Variants in SYN3 observed in about 807,000 individuals in gnomAD.
SYN3 encodes synapsin-3.
SYN3 carries 35 observed loss-of-function variants against 65.8 expected under a neutral mutation model. The ratio of observed to expected loss-of-function variants is 0.53; its 90% CI spans 0.41 to 0.70. The LOEUF (loss-of-function observed/expected upper bound fraction) is 0.70, where lower values mean the gene tolerates loss of function less well. SYN3 is among the 30% of genes least tolerant of loss of function. SYN3 has a pLI of 0.00. For missense variants in SYN3, 680 were observed against 749.0 expected, an observed-to-expected ratio of 0.91 and a Z score of 1.08; for synonymous variants, 270 against 292.9, an observed-to-expected ratio of 0.92 and a Z score of 0.80.
At chr22:32,697,224 A>T (rs1405273753) in intron 6 of SYN3, among the ~76,000 whole-genome samples, 1 of 152,238 alleles carries the variant, frequency 6.6e-6, no homozygotes, top group Non-Finnish European at 1.5e-5. Context: ...CTTTTCTAAA[A>T]TAGAGAGTCC....
At chr22:32,812,974 G>T (rs889947869) in intron 6 of SYN3, among the ~76,000 whole-genome samples, 1 of 152,146 alleles carries the variant, frequency 6.6e-6, no homozygotes, top group African/African-American at 2.4e-5. Flanking sequence ...GAGTGCAGTG[G>T]ATAAAAAGCT....
At chr22:32,679,817 C>A (rs1271843865) in intron 6 of SYN3, among the ~76,000 whole-genome samples, 2 of 74,958 alleles carry the variant, frequency 2.7e-5, no homozygotes, top group Non-Finnish European at 6.4e-5. Context: ...CACTTTAAAA[C>A]TGGGTGAGGT....
rs1784739040 is a variant in SYN3, at chr22:32,513,750, G to T, written c.1685C>A (p.Ala562Asp). 1 of 1,614,076 alleles carries T rather than the reference G, an allele frequency of 6.2e-7. No individual in the cohort carries two copies. Among genetic ancestry groups the T allele is most frequent in the Admixed American group, 1.7e-5 (1 of 60,006 alleles). ...SQRGTPSEDE[A>D]KAETIRNLRK... ...CAGGTTGCGGATGGTTTCAGCCTTG[G>T]CCTCGTCTTCACTTGGGGTCCCACG... The change falls in exon 14 of 14, where the codon GCC becomes GAC. Residue 562 changes from alanine (A) to aspartate (D), a missense_variant. Transcript: ENST00000358763.
intron 2 of SYN3, 37 bp from the exon 3 acceptor site, chr22:32,980,739 G>A: frequency 1.9e-6 from 3 of 1,600,356 alleles, no homozygotes; most frequent in African/African-American, 2.7e-5. Context: ...TAAGGATGCA[G>A]GCTGTTTTAC....
In SYN3 at chr22:32,837,551, T is replaced by C. The variant is rs2047770896; in HGVS notation, c.711+27364A>G. On this transcript the variant is annotated intron_variant, in intron 6 of 13. Coordinates refer to ENST00000358763, the MANE Select transcript of SYN3 (RefSeq NM_003490.4). The surrounding 1 kb of genome is among the most constrained non-coding windows in gnomAD (Gnocchi z 4.1). ...GGGTACGGCGGGAGACAGAGATGCA[T>C]GAAATACTAACGTTGAAGATTAGAA... is the stretch of plus-strand genomic sequence containing the variant. Among the ~76,000 whole-genome samples the C allele has an allele frequency of 6.6e-6, 1 of 151,910 alleles. No individual in the cohort carries two copies.
intron 3 of SYN3, among the ~76,000 whole-genome samples, chr22:32,963,039 T>G (rs1303497528): frequency 6.6e-6 from 1 of 150,776 alleles, no homozygotes; most frequent in Non-Finnish European, 1.5e-5. Flanking sequence ...ATAAATGGCT[T>G]AAGATATTAT....
rs1235985450 is a variant in SYN3 at position 32,509,345 on chromosome 22, G to A, written c.*4347C>T. ...GGCTCAAAGTTGTGAAACAAAGCAA[G>A]AAAAACAACAAACATAACATTTTAG... On this transcript the variant is annotated 3_prime_UTR_variant, in exon 14 of 14. Transcript: ENST00000358763. 6.6e-6 allele frequency among the ~76,000 whole-genome samples: 1 copy of A among 152,058 alleles called. No homozygotes were observed. Among genetic ancestry groups the A allele is most frequent in the Admixed American group, 6.6e-5 (1 of 15,248 alleles).
At position 32,664,135 on chromosome 22, in the gene SYN3, AAG is replaced by A. The variant is rs1160281459; in HGVS notation, c.712-67401_712-67400del. Among the ~76,000 whole-genome samples the A allele has an allele frequency of 3.9e-5, 6 of 152,338 alleles. No individual in the cohort carries two copies. In the East Asian group the frequency reaches 1.2e-3, roughly 29 times the overall value. On this transcript the variant is annotated intron_variant, in intron 6 of 13. Transcript: ENST00000358763. Reference sequence around the variant, plus strand: ...GGAGTCTTAAGGTCACACAGGGAGCAAGTAGATAAACCAAGACTGGTGCCCAT... The same window carrying A: ...GGAGTCTTAAGGTCACACAGGGAGCATAGATAAACCAAGACTGGTGCCCAT...
chr22:32,987,814 T>G (rs241716), intron 2 of SYN3, among the ~76,000 whole-genome samples: 2 of 151,986 alleles, frequency 1.3e-5, no homozygotes, highest in African/African-American at 4.8e-5. Flanking sequence ...ACACCAGGCA[T>G]AGGAGTAGAT....
At chr22:32,788,110 G>A (rs1052552305) in intron 6 of SYN3, among the ~76,000 whole-genome samples, 11 of 151,890 alleles carry the variant, frequency 7.2e-5, no homozygotes, top group South Asian at 2.1e-4. Flanking sequence ...ATATGATCTC[G>A]TTTTTTTTCT....
At chr22:32,882,785 ACTAT>A (rs1440583217) in intron 4 of SYN3, among the ~76,000 whole-genome samples, 3 of 152,152 alleles carry the variant, frequency 2.0e-5, no homozygotes, top group African/African-American at 7.2e-5. Flanking sequence ...AGTGTGTTCA[ACTAT>A]CTATGTGTAA....
intron 3 of SYN3, among the ~76,000 whole-genome samples, chr22:32,941,595 G>A (rs2050940741): frequency 6.6e-6 from 1 of 150,690 alleles, no homozygotes; most frequent in Non-Finnish European, 1.5e-5. Context: ...GTGTCGGACA[G>A]TGGGGGCAGG....
intron 6 of SYN3, among the ~76,000 whole-genome samples, chr22:32,728,005 A>C (rs779461178): frequency 5.9e-5 from 9 of 152,194 alleles, no homozygotes; most frequent in African/African-American, 9.7e-5. Flanking sequence ...TTCCCTATTT[A>C]ATAAGTGGTG....
intron 4 of SYN3, among the ~76,000 whole-genome samples, chr22:32,926,537 A>G (rs994850907): frequency 9.9e-5 from 15 of 152,126 alleles, no homozygotes; most frequent in African/African-American, 3.4e-4. Flanking sequence ...CTTCGAGTCT[A>G]TTTTTTCCCC....
chr22:32,553,180 G>T (rs2058441672), intron 7 of SYN3, among the ~76,000 whole-genome samples: 1 of 152,068 alleles, frequency 6.6e-6, no homozygotes, highest in African/African-American at 2.4e-5. Context: ...ATCACTTTGG[G>T]GATTAAGGCT....
At chr22:32,634,529 G>A (rs2059788525) in intron 6 of SYN3, among the ~76,000 whole-genome samples, 1 of 152,122 alleles carries the variant, frequency 6.6e-6, no homozygotes, top group Admixed American at 6.5e-5. Flanking sequence ...ATCTGACCAG[G>A]GCACTCTAAC....
chr22:32,792,276 G>A (rs550542963), intron 6 of SYN3, among the ~76,000 whole-genome samples: 12 of 152,280 alleles, frequency 7.9e-5, no homozygotes, highest in East Asian at 3.9e-4. Context: ...ACAGGCCTTC[G>A]TTGGTTCCTA....
intron 7 of SYN3, among the ~76,000 whole-genome samples, chr22:32,568,204 T>C (rs978086913): frequency 6.6e-6 from 1 of 152,208 alleles, no homozygotes; most frequent in African/African-American, 2.4e-5. Flanking sequence ...TCTTGTTTCC[T>C]TCCTGGAATG....
At chr22:32,622,850 A>T (rs1237638795) in intron 6 of SYN3, among the ~76,000 whole-genome samples, 1 of 151,752 alleles carries the variant, frequency 6.6e-6, no homozygotes, top group Non-Finnish European at 1.5e-5. Flanking sequence ...AGGACACAGG[A>T]TGTTTCTAGT....
Sources: gnomAD v4.1 joint callset for allele counts (sites outside exome capture counted in the v4.1 genomes callset) on GRCh38, gnomAD v4.1.1 for gene constraint, Gnocchi (gnomAD v3.1) non-coding constraint, MANE v1.5 for transcripts, NCBI Gene and HGNC (gene_info 2026-07-23, HGNC 2026-07-21) for gene names.